SLC7A1: variants seen among roughly 807,000 people sequenced by gnomAD.
SLC7A1 encodes the protein solute carrier family 7 member 1.
Under a neutral mutation model 53.9 loss-of-function variants are expected in SLC7A1, and 10 were observed. The ratio of observed to expected loss-of-function variants is 0.19; its 90% CI spans 0.11 to 0.31. SLC7A1 has a LOEUF of 0.31. Among genes scored for constraint, SLC7A1 ranks in the 10% least tolerant of loss-of-function variants. The pLI, the probability that SLC7A1 is intolerant of heterozygous loss-of-function variation, is 1.00. For missense variants in SLC7A1, 525 were observed against 827.2 expected (o/e 0.63, Z 4.48); for synonymous variants, 342 against 338.7 (o/e 1.01, Z -0.11).
intron 1 of SLC7A1, among the ~76,000 whole-genome samples, chr13:29,566,609 C>T (rs1870977897): frequency 6.6e-6 from 1 of 152,118 alleles, no homozygotes; most frequent in South Asian, 2.1e-4. Flanking sequence ...TACGGCTTGG[C>T]TACGGGTGGG....
At chr13:29,582,458 G>A (rs1169166963) in intron 1 of SLC7A1, among the ~76,000 whole-genome samples, 3 of 152,224 alleles carry the variant, frequency 2.0e-5, no homozygotes, top group African/African-American at 7.2e-5. Flanking sequence ...AGCCTCTTCA[G>A]TTCAGTTGAA....
At chr13:29,585,706 C>T (rs1014949380) in intron 1 of SLC7A1, among the ~76,000 whole-genome samples, 1 of 152,082 alleles carries the variant, frequency 6.6e-6, no homozygotes, top group African/African-American at 2.4e-5. Flanking sequence ...ACAGAAGAGG[C>T]AGCCAACAGG....
chr13:29,548,600 T>C (rs369201881), intron 2 of SLC7A1, among the ~76,000 whole-genome samples: 11 of 152,370 alleles, frequency 7.2e-5, no homozygotes, highest in Admixed American at 5.9e-4. Context: ...ACCTGGTCTA[T>C]GTAAGAAACA....
At chr13:29,535,296 G>A (rs570440266) in intron 3 of SLC7A1, among the ~76,000 whole-genome samples, 55 of 152,328 alleles carry the variant, frequency 3.6e-4, no homozygotes, top group African/African-American at 1.3e-3. Context: ...AAATGTTACT[G>A]TGGAAAAATA....
chr13:29,585,514 T>C (rs1214304931), intron 1 of SLC7A1, among the ~76,000 whole-genome samples: 1 of 152,010 alleles, frequency 6.6e-6, no homozygotes, highest in African/African-American at 2.4e-5. Flanking sequence ...GTGTGTGTAC[T>C]TGATTACAAT....
Position 29,512,183 on chromosome 13 carries a change from C to T in SLC7A1, c.*2297G>A, listed in dbSNP as rs1268666947. Reference sequence around the variant, plus strand: ...ATTATGCAAGGCACCCCCACGTGTCCTTTCCTAACCAGGAAGCCCGTCCTC... The same window carrying T: ...ATTATGCAAGGCACCCCCACGTGTCTTTTCCTAACCAGGAAGCCCGTCCTC... On this transcript the variant is annotated 3_prime_UTR_variant, in exon 13 of 13. Coordinates refer to ENST00000380752, the MANE Select transcript of SLC7A1 (RefSeq NM_003045.5). 1 of 152,210 alleles carries T rather than the reference C, an allele frequency of 6.6e-6. No homozygotes were observed. The highest frequency in any genetic ancestry group is 1.5e-5 in the Non-Finnish European group (1 of 68,044). The allele number at this position is 152,210 out of a possible 1,614,324, so 9.4% of individuals were successfully genotyped here. A position where few individuals can be genotyped will look rare whatever the true frequency, so the allele number is the denominator to read the frequency against.
chr13:29,569,114 T>C (rs944018645), intron 1 of SLC7A1, among the ~76,000 whole-genome samples: 1 of 152,168 alleles, frequency 6.6e-6, no homozygotes. Flanking sequence ...CTCTGCCCCA[T>C]GTCTGAAATC....
intron 1 of SLC7A1, among the ~76,000 whole-genome samples, chr13:29,587,740 A>C (rs1187902082): frequency 6.6e-6 from 1 of 152,214 alleles, no homozygotes; most frequent in Non-Finnish European, 1.5e-5. Flanking sequence ...AGGCACCACC[A>C]AGGCTGGTTA....
At chr13:29,587,709 C>G (rs73154453) in intron 1 of SLC7A1, among the ~76,000 whole-genome samples, 2,604 of 152,348 alleles carry the variant, frequency 0.017, 34 homozygotes, top group East Asian at 0.023. Context: ...CCCTTCCCCA[C>G]CTGGAGGATA....
At chr13:29,542,282 C>T (rs1438744134) in intron 2 of SLC7A1, among the ~76,000 whole-genome samples, 1 of 152,090 alleles carries the variant, frequency 6.6e-6, no homozygotes, top group African/African-American at 2.4e-5. Flanking sequence ...TGGTGAAACA[C>T]CATCTCTACT....
At chr13:29,588,194 A>T (rs889089459) in intron 1 of SLC7A1, among the ~76,000 whole-genome samples, 1 of 152,214 alleles carries the variant, frequency 6.6e-6, no homozygotes, top group Admixed American at 6.5e-5. Context: ...CTGCAAGTCA[A>T]ATATGGACTG....
chr13:29,525,284 C>T (rs1279714259), intron 5 of SLC7A1, among the ~76,000 whole-genome samples: 2 of 152,240 alleles, frequency 1.3e-5, no homozygotes, highest in Non-Finnish European at 2.9e-5. Context: ...GCCCCAGGGC[C>T]GCAGGCTTTC....
chr13:29,594,725 C>T (rs1375433263), intron 1 of SLC7A1, among the ~76,000 whole-genome samples: 1 of 152,208 alleles, frequency 6.6e-6, no homozygotes, highest in Non-Finnish European at 1.5e-5. Flanking sequence ...AGGAAGCCCA[C>T]CTAGGGGAGA....
intron 9 of SLC7A1, among the ~76,000 whole-genome samples, chr13:29,518,952 A>G (rs2139072042): frequency 1.3e-5 from 2 of 152,206 alleles, no homozygotes; most frequent in East Asian, 3.9e-4. Context: ...CTGACTCCAC[A>G]GTGTCTCTGA....
intron 8 of SLC7A1, among the ~76,000 whole-genome samples, chr13:29,520,806 C>T (rs1185263179): frequency 6.6e-6 from 1 of 152,206 alleles, no homozygotes; most frequent in Non-Finnish European, 1.5e-5. Flanking sequence ...TTTGGATAAT[C>T]AGAACAGCGC....
At chr13:29,518,025 C>T (rs777339591) in intron 9 of SLC7A1, among the ~76,000 whole-genome samples, 5 of 152,220 alleles carry the variant, frequency 3.3e-5, no homozygotes, top group Non-Finnish European at 5.9e-5. Flanking sequence ...GACATGACCT[C>T]CACCATGAGC....
At chr13:29,536,284 G>A in intron 2 of SLC7A1, 82 bp from the exon 3 acceptor site, 2 of 1,347,566 alleles carry the variant, frequency 1.5e-6, no homozygotes, top group Non-Finnish European at 2.1e-6. Context: ...TGGAAACACA[G>A]ACAGTGATCA....
At chr13:29,556,730 A>C (rs1593564871) in intron 1 of SLC7A1, among the ~76,000 whole-genome samples, 1 of 152,218 alleles carries the variant, frequency 6.6e-6, no homozygotes, top group Admixed American at 6.5e-5. Flanking sequence ...CCACATAAGG[A>C]AAGCTTCTTG....
At position 29,595,608 on chromosome 13, in the gene SLC7A1, C is replaced by A. The variant is rs1400174251; in HGVS notation, c.-307G>T. ...GCGTGCGCGCCTGCCAGGTAGTTGACCCGCTGCTCACACCTGCCTGCGCGG... is the reference window on the plus strand; with the variant it reads ...GCGTGCGCGCCTGCCAGGTAGTTGAACCGCTGCTCACACCTGCCTGCGCGG... On this transcript the variant is annotated 5_prime_UTR_variant, in exon 1 of 13. Coordinates refer to ENST00000380752, the MANE Select transcript of SLC7A1 (RefSeq NM_003045.5). 6.6e-6 allele frequency: 1 copy of A among 151,358 alleles called. No homozygotes were observed. The highest frequency in any genetic ancestry group is 2.4e-5 in the African/African-American group (1 of 41,254). 9.4% of individuals were successfully genotyped at this position (151,358 alleles called of 1,614,324 possible).
Sources: gnomAD v4.1 joint callset for allele counts (sites outside exome capture counted in the v4.1 genomes callset) on GRCh38, gnomAD v4.1.1 for gene constraint, MANE v1.5 for transcripts, NCBI Gene and HGNC (gene_info 2026-07-23, HGNC 2026-07-21) for gene names.